ITPKB: variants seen among roughly 807,000 people sequenced by gnomAD.
ITPKB encodes the protein IP3 3-kinase B.
A neutral mutation model predicts 69.4 loss-of-function variants in ITPKB; 13 were observed. That is an observed-to-expected ratio of 0.19 (90% CI 0.12 to 0.30). The LOEUF (loss-of-function observed/expected upper bound fraction) is 0.30. ITPKB is among the 10% of genes least tolerant of loss of function. The pLI, the probability that ITPKB is intolerant of heterozygous loss-of-function variation, is 1.00. For missense variants in ITPKB, 1,240 were observed against 1,250.5 expected (o/e 0.99, Z 0.13); for synonymous variants, 584 against 513.7 (o/e 1.14, Z -1.85).
chr1:226,705,952 CCAAG>C, intron 2 of ITPKB, among the ~76,000 whole-genome samples: 1 of 152,322 alleles, frequency 6.6e-6, no homozygotes, highest in South Asian at 2.1e-4. Flanking sequence ...CTTCCAACTC[CCAAG>C]CACCCATATG....
rs757123839 is a variant in ITPKB, at chr1:226,736,613, G to A, written c.846C>T (p.Thr282=). ...AMEIDKRGSP[T]PGTRSCLAPS... ...GAGCTAGGCAGCTCCGAGTTCCCGG[G>A]GTAGGAGAGCCCCTTTTGTCAATTT... Residue 282 remains threonine, a synonymous_variant, in exon 2 of 8, where the codon ACC becomes ACT. Transcript: ENST00000429204. The A allele has an allele frequency of 6.2e-6, 10 of 1,613,772 alleles. No individual in the cohort carries two copies. The highest frequency in any genetic ancestry group is 2.2e-5 in the East Asian group (1 of 44,878).
At chr1:226,660,722 A>G (rs150285459) in intron 2 of ITPKB, among the ~76,000 whole-genome samples, 1 of 152,326 alleles carries the variant, frequency 6.6e-6, no homozygotes, top group East Asian at 1.9e-4. Flanking sequence ...CCCGGAGGCT[A>G]GGAGGGGACC....
At position 226,736,663 on chromosome 1, in the gene ITPKB, G is replaced by A. The variant is rs777197995; in HGVS notation, c.796C>T (p.Arg266Cys). 2.4e-5 allele frequency: 39 copies of A among 1,613,274 alleles called. No homozygotes were observed. The Middle Eastern group carries it at 3.0e-3, about 122-fold the overall frequency. The stretch of plus-strand genomic sequence containing the variant: ...TCCATAGCTGTGGGTGAGCCACAGC[G>A]GGGACTGGCAGGGATACCCTTCTCC... The part of the protein sequence containing the change: ...RMEKGIPASP[R>C]CGSPTAMEID... The change falls in exon 2 of 8, where the codon CGC becomes TGC. Residue 266 changes from arginine (R) to cysteine (C), a missense_variant. Arg to Cys is a radical substitution (Grantham distance 180). Around this residue, in one of 2 missense-constraint regions of ITPKB, gnomAD observed 992 missense variants for 853.8 expected, o/e 1.16. Coordinates refer to ENST00000429204, the MANE Select transcript of ITPKB (RefSeq NM_002221.4).
chr1:226,661,967 A>T (rs913217519), intron 2 of ITPKB, among the ~76,000 whole-genome samples: 1 of 152,168 alleles, frequency 6.6e-6, no homozygotes, highest in African/African-American at 2.4e-5. Context: ...CCCCAATGAA[A>T]AGTCCTATTC....
chr1:226,735,467 G>A (rs905345182), intron 2 of ITPKB, 60 bp downstream of exon 2: 14 of 1,443,238 alleles, frequency 9.7e-6, no homozygotes, highest in Admixed American at 2.6e-5. Context: ...GGATGCATAG[G>A]GCATCAAAAG....
intron 2 of ITPKB, among the ~76,000 whole-genome samples, chr1:226,725,838 C>T (rs1235456405): frequency 6.6e-6 from 1 of 152,214 alleles, no homozygotes; most frequent in Non-Finnish European, 1.5e-5. Context: ...GGGCGTTATC[C>T]AGAATATCTC....
In ITPKB at chr1:226,736,482, G is replaced by T; in HGVS notation, c.977C>A (p.Pro326Gln). 6.2e-7 allele frequency: 1 copy of T among 1,613,958 alleles called. No homozygotes were observed. Among genetic ancestry groups the T allele is most frequent in the Non-Finnish European group, 8.5e-7 (1 of 1,180,044 alleles). ...HRPQDLALTE[P>Q]SGRARELEDL... ...CTCAAGCTCACGGGCTCTCCCAGAC[G>T]GCTCAGTGAGGGCAAGATCCTGTGG... is the stretch of plus-strand genomic sequence containing the variant. Residue 326 changes from proline (P) to glutamine (Q), a missense_variant, in exon 2 of 8, where the codon CCG becomes CAG. Pro to Gln is a moderately conservative substitution (Grantham distance 76, BLOSUM62 -1). Coordinates refer to ENST00000429204, the MANE Select transcript of ITPKB (RefSeq NM_002221.4).
intron 2 of ITPKB, among the ~76,000 whole-genome samples, chr1:226,682,217 A>G (rs556460234): frequency 4.5e-4 from 68 of 152,252 alleles, no homozygotes; most frequent in African/African-American, 1.6e-3. Context: ...AGTCTAGCAC[A>G]GGGATTTATT....
chr1:226,696,881 C>A (rs1474851870), intron 2 of ITPKB, among the ~76,000 whole-genome samples: 1 of 152,174 alleles, frequency 6.6e-6, no homozygotes, highest in Non-Finnish European at 1.5e-5. Flanking sequence ...GGGGGGTTAG[C>A]ACAACCTGTC....
chr1:226,721,059 A>G (rs1657226570), intron 2 of ITPKB, among the ~76,000 whole-genome samples: 1 of 145,816 alleles, frequency 6.9e-6, no homozygotes, highest in Non-Finnish European at 1.5e-5. Flanking sequence ...AAAATAAAAT[A>G]TTGGCCGGGC....
chr1:226,696,922 C>T (rs1036373259), intron 2 of ITPKB, among the ~76,000 whole-genome samples: 32 of 152,186 alleles, frequency 2.1e-4, no homozygotes, highest in African/African-American at 7.7e-4. Flanking sequence ...CAGCACACAG[C>T]TCACACTCAA....
chr1:226,669,873 T>G (rs954444107), intron 2 of ITPKB, among the ~76,000 whole-genome samples: 7 of 151,588 alleles, frequency 4.6e-5, no homozygotes, highest in African/African-American at 1.5e-4. Flanking sequence ...GTTTGTTTTT[T>G]TTTTGTTTTT....
At chr1:226,713,393 A>G (rs1657020722) in intron 2 of ITPKB, among the ~76,000 whole-genome samples, 1 of 152,118 alleles carries the variant, frequency 6.6e-6, no homozygotes, top group Non-Finnish European at 1.5e-5. Context: ...GTGGCAAACA[A>G]TTGCTATTTT....
intron 2 of ITPKB, among the ~76,000 whole-genome samples, chr1:226,654,952 G>A (rs1669262664): frequency 6.6e-6 from 1 of 151,928 alleles, no homozygotes. Context: ...GGAGGAGGAA[G>A]AGGAGGGAGG....
At chr1:226,724,347 C>T (rs1342481752) in intron 2 of ITPKB, among the ~76,000 whole-genome samples, 6 of 152,178 alleles carry the variant, frequency 3.9e-5, no homozygotes, top group Non-Finnish European at 8.8e-5. Flanking sequence ...GACTTCTCCT[C>T]TTCCAAGGGA....
chr1:226,653,892 T>C (rs1176057621), intron 2 of ITPKB, among the ~76,000 whole-genome samples: 3 of 152,162 alleles, frequency 2.0e-5, no homozygotes, highest in Non-Finnish European at 2.9e-5. Flanking sequence ...GAGCTTTGCT[T>C]AGCTGCTCCT....
intron 2 of ITPKB, among the ~76,000 whole-genome samples, chr1:226,733,384 A>G (rs1264647527): frequency 6.6e-6 from 1 of 152,216 alleles, no homozygotes; most frequent in Non-Finnish European, 1.5e-5. Flanking sequence ...TTCTGTAGAC[A>G]AAATATCTAT....
chr1:226,654,707 C>G (rs1669256342), intron 2 of ITPKB, among the ~76,000 whole-genome samples: 1 of 152,192 alleles, frequency 6.6e-6, no homozygotes, highest in African/African-American at 2.4e-5. Flanking sequence ...GGATCAAGTC[C>G]CAACCCTCCC....
chr1:226,658,233 C>T (rs1232583926), intron 2 of ITPKB, among the ~76,000 whole-genome samples: 1 of 152,216 alleles, frequency 6.6e-6, no homozygotes, highest in Non-Finnish European at 1.5e-5. Context: ...AAGCCTGGTG[C>T]TTCTCCTAGG....
Sources: allele counts gnomAD v4.1 joint callset (sites outside exome capture counted in the v4.1 genomes callset), GRCh38; gene constraint gnomAD v4.1.1; regional missense constraint gnomAD v4.1.1; transcripts MANE v1.5; gene names NCBI Gene and HGNC (gene_info 2026-07-23, HGNC 2026-07-21).